The following DNM3 variants were observed in gnomAD, a reference collection of about 807,000 sequenced individuals.
DNM3 encodes the protein dynamin 3.
Under a neutral mutation model 101.6 loss-of-function variants are expected in DNM3, and 47 were observed. The observed-to-expected ratio is 0.46, with a 90% confidence interval of 0.37 to 0.59. DNM3 has a LOEUF of 0.59. Ranked by LOEUF, DNM3 falls within the 20% of genes least tolerant of loss-of-function variation. The probability of loss-of-function intolerance (pLI) is 0.00; values close to 1 mark genes in which losing one functional copy is unlikely to be tolerated. For missense variants in DNM3, 849 were observed against 1,085.7 expected (o/e 0.78, Z 3.06); for synonymous variants, 385 against 387.9 (o/e 0.99, Z 0.09).
intron 10 of DNM3, among the ~76,000 whole-genome samples, chr1:172,058,397 T>C (rs2050835079): frequency 6.6e-6 from 1 of 150,766 alleles, no homozygotes; most frequent in African/African-American, 2.4e-5. Context: ...TATACATTTT[T>C]TTCAGCACCA....
At position 172,411,888 on chromosome 1, in the gene DNM3, C is replaced by G. The variant is rs920111840; in HGVS notation, c.*4047C>G. ...TTTTGAAGAAATGATTATTCGTTCA[C>G]CAGATCACTCATTGTACATTCTAAA... On this transcript the variant is annotated 3_prime_UTR_variant, in exon 21 of 21. Transcript: ENST00000627582. 2 of 985,628 alleles carry G rather than the reference C, an allele frequency of 2.0e-6. No homozygotes were observed. Among genetic ancestry groups the G allele is most frequent in the African/African-American group, 3.5e-5 (2 of 57,210 alleles). The allele number at this position is 985,628 out of a possible 1,614,324, so 61.1% of individuals were successfully genotyped here.
chr1:172,131,067 A>AT, intron 13 of DNM3, 108 bp from the exon 14 acceptor site: 1 of 929,022 alleles, frequency 1.1e-6, no homozygotes, highest in Non-Finnish European at 1.7e-6. Context: ...GGAAAATACT[A>AT]TTTTTATTGC....
intron 14 of DNM3, among the ~76,000 whole-genome samples, chr1:172,183,425 A>C (rs1003787521): frequency 6.6e-6 from 1 of 152,162 alleles, no homozygotes; most frequent in African/African-American, 2.4e-5. Context: ...AAATACTAAG[A>C]ATTATCTGTG....
intron 15 of DNM3, among the ~76,000 whole-genome samples, chr1:172,258,224 A>G (rs1034193488): frequency 2.0e-4 from 31 of 152,132 alleles, no homozygotes; most frequent in African/African-American, 6.5e-4. Flanking sequence ...TTGCTATTGT[A>G]AATAGTACTA....
At chr1:171,902,118 C>A (rs951291178) in intron 1 of DNM3, among the ~76,000 whole-genome samples, 3 of 152,186 alleles carry the variant, frequency 2.0e-5, no homozygotes, top group Admixed American at 2.0e-4. Flanking sequence ...CCATTCTATT[C>A]TGAAACCTGG....
intron 14 of DNM3, among the ~76,000 whole-genome samples, chr1:172,227,777 CA>C (rs1557846940): frequency 6.6e-6 from 1 of 151,964 alleles, no homozygotes. Context: ...TTTTCACATC[CA>C]CCCCTCCTCC....
rs199616510 is a variant in DNM3, at chr1:172,387,227, G to A, written c.2153G>A (p.Arg718His). 4,690 of 1,613,980 alleles carry A rather than the reference G, an allele frequency of 2.9e-3. 145 individuals are homozygous for A. The South Asian group carries it at 0.044, about 15-fold the overall frequency. The change falls in exon 19 of 21, where the codon CGC becomes CAC. Residue 718 changes from arginine (R) to histidine (H), a missense_variant. By Grantham distance (29) the Arg-to-His change is conservative. Coordinates refer to ENST00000627582, the MANE Select transcript of DNM3 (RefSeq NM_015569.5). ...GAGGAATCTGCTGAGCAGGCTCAGC[G>A]CCGGGATGAGATGCTTCGAATGTAT... ...LMEESAEQAQRRDEMLRMYQA... is the reference protein window; with the variant it reads ...LMEESAEQAQHRDEMLRMYQA...
At chr1:172,269,316 G>A (rs536789318) in intron 15 of DNM3, among the ~76,000 whole-genome samples, 32 of 152,300 alleles carry the variant, frequency 2.1e-4, no homozygotes, top group African/African-American at 6.7e-4. Flanking sequence ...TCCGGAACAA[G>A]TATTTGCTTT....
intron 17 of DNM3, 123 bp downstream of exon 17, chr1:172,323,463 A>C (rs1030559580): frequency 1.9e-5 from 22 of 1,189,012 alleles, no homozygotes; most frequent in Non-Finnish European, 2.6e-5. Flanking sequence ...TGCACGAATT[A>C]TATGGGGTGT....
chr1:171,891,371 CAA>C (rs1290143979), intron 1 of DNM3, among the ~76,000 whole-genome samples: 1 of 149,688 alleles, frequency 6.7e-6, no homozygotes, highest in Non-Finnish European at 1.5e-5. Flanking sequence ...AGAAAAATTA[CAA>C]AGAGTACCCA....
intron 14 of DNM3, among the ~76,000 whole-genome samples, chr1:172,192,739 G>T (rs920395678): frequency 3.3e-5 from 5 of 151,818 alleles, no homozygotes; most frequent in African/African-American, 1.2e-4. Context: ...GTATTCCATG[G>T]TGTGTATGTG....
At chr1:172,274,873 A>C (rs1294463616) in intron 15 of DNM3, among the ~76,000 whole-genome samples, 2 of 151,996 alleles carry the variant, frequency 1.3e-5, no homozygotes, top group Non-Finnish European at 2.9e-5. Context: ...AAGACAGACT[A>C]GTCCACTGAT....
At chr1:172,156,428 C>A (rs940288541) in intron 14 of DNM3, among the ~76,000 whole-genome samples, 1 of 152,138 alleles carries the variant, frequency 6.6e-6, no homozygotes, top group African/African-American at 2.4e-5. Context: ...TTTTTGTAAT[C>A]TTCTTAGTTT....
At chr1:172,182,250 C>T (rs937996428) in intron 14 of DNM3, among the ~76,000 whole-genome samples, 1 of 151,334 alleles carries the variant, frequency 6.6e-6, no homozygotes, top group East Asian at 1.9e-4. Context: ...AACGATTTCT[C>T]TAAGATGCTT....
intron 14 of DNM3, among the ~76,000 whole-genome samples, chr1:172,177,634 G>C (rs1422387684): frequency 6.6e-6 from 1 of 151,852 alleles, no homozygotes; most frequent in African/African-American, 2.4e-5. Flanking sequence ...CAAAATTACG[G>C]GATGAGAGTA....
chr1:172,223,429 C>T (rs1241257499), intron 14 of DNM3, among the ~76,000 whole-genome samples: 1 of 151,982 alleles, frequency 6.6e-6, no homozygotes, highest in East Asian at 1.9e-4. Context: ...AATTTTTGAC[C>T]ATTAGTCTTT....
chr1:172,388,539 G>A, intron 19 of DNM3, 34 bp from the exon 20 acceptor site: 1 of 1,553,486 alleles, frequency 6.4e-7, no homozygotes, highest in Non-Finnish European at 8.9e-7. Flanking sequence ...CAGAAAGGAG[G>A]AGTGAGCAAA....
At chr1:172,314,620 G>A (rs931825280) in intron 16 of DNM3, among the ~76,000 whole-genome samples, 3 of 152,208 alleles carry the variant, frequency 2.0e-5, no homozygotes, top group East Asian at 3.8e-4. Context: ...CTACGCCCAC[G>A]GAGTCTCGCT....
At chr1:171,862,325 G>A (rs1162940188) in intron 1 of DNM3, among the ~76,000 whole-genome samples, 2 of 152,040 alleles carry the variant, frequency 1.3e-5, no homozygotes, top group Admixed American at 1.3e-4. Flanking sequence ...GCCAAAAGGT[G>A]GAAACACCCA....
Sources: allele counts gnomAD v4.1 joint callset (sites outside exome capture counted in the v4.1 genomes callset), GRCh38; gene constraint gnomAD v4.1.1; transcripts MANE v1.5; gene names NCBI Gene and HGNC (gene_info 2026-07-23, HGNC 2026-07-21).